Variants in PRAMEF1 observed in about 807,000 individuals in gnomAD.
PRAMEF1 encodes the protein PRAME family member 1.
A neutral mutation model predicts 38.2 loss-of-function variants in PRAMEF1; 21 were observed. That is an observed-to-expected ratio of 0.55 (90% CI 0.39 to 0.79). The LOEUF (loss-of-function observed/expected upper bound fraction) is 0.79, where lower values mean the gene tolerates loss of function less well. Among genes scored for constraint, PRAMEF1 ranks in the 30% least tolerant of loss-of-function variants. The probability of loss-of-function intolerance (pLI) is 0.00; values close to 1 mark genes in which losing one functional copy is unlikely to be tolerated. For missense variants in PRAMEF1, 497 were observed against 565.8 expected (o/e 0.88, Z 1.23); for synonymous variants, 200 against 229.0 (o/e 0.87, Z 1.14).
Position 12,796,332 on chromosome 1 carries a change from T to C in PRAMEF1, c.*336T>C, listed in dbSNP as rs564666932. ...AAAAACATAACAGCAGGGGGCAAGGTTGGAGGAAAATGTTGAGGTGACATC... is the reference window on the plus strand; with the variant it reads ...AAAAACATAACAGCAGGGGGCAAGGCTGGAGGAAAATGTTGAGGTGACATC... On this transcript the variant is annotated 3_prime_UTR_variant, in exon 4 of 4. Coordinates refer to ENST00000332296, the MANE Select transcript of PRAMEF1 (RefSeq NM_023013.4). The C allele has an allele frequency of 7.6e-4, 272 of 357,340 alleles. 4 individuals carry two copies. The highest frequency in any genetic ancestry group is 5.3e-3 in the African/African-American group (251 of 47,544). 22.1% of individuals were successfully genotyped at this position (357,340 alleles called of 1,614,324 possible). A position where few individuals can be genotyped will look rare whatever the true frequency, so the allele number is the denominator to read the frequency against.
intron 3 of PRAMEF1, 34 bp from the exon 4 acceptor site, chr1:12,795,404 T>A: frequency 6.3e-7 from 1 of 1,591,816 alleles, no homozygotes; most frequent in Non-Finnish European, 8.6e-7. Context: ...CTAACTGGTA[T>A]CACTGCCCAG....
rs1639322873 is a variant in PRAMEF1, at chr1:12,793,095, T to G, written c.-25-108T>G. The G allele has an allele frequency of 2.8e-6, 4 of 1,428,868 alleles. No individual in the cohort carries two copies. In the Admixed American group the frequency reaches 8.1e-5, roughly 29 times the overall value. 88.5% of individuals were successfully genotyped at this position (1,428,868 alleles called of 1,614,324 possible). A position where few individuals can be genotyped will look rare whatever the true frequency, so the allele number is the denominator to read the frequency against. On this transcript the variant is annotated intron_variant, in intron 1 of 3. Transcript: ENST00000332296. ...AAAATTAATAAGTCAGTGGTCTCCA[T>G]GACCCCTCCCTCCTTGGTGTTTGGA...
At position 12,795,639 on chromosome 1, in the gene PRAMEF1, G is replaced by C. The variant is rs571374810; in HGVS notation, c.1068G>C (p.Leu356Phe). The C allele has an allele frequency of 1.2e-6, 2 of 1,611,442 alleles. No individual in the cohort carries two copies. The highest frequency in any genetic ancestry group is 1.7e-6 in the Non-Finnish European group (2 of 1,179,640). Residue 356 changes from leucine to phenylalanine, a missense_variant, in exon 4 of 4, where the codon TTG becomes TTC. Leu to Phe is a conservative substitution (Grantham distance 22). Transcript: ENST00000332296. ...CTGCCTCTCTCAAAACCCTCATCTT[G>C]GAGGGCTGTCAGATCCACTACTCCC... ...KIAASLKTLILEGCQIHYSQL... is the reference protein window; with the variant it reads ...KIAASLKTLIFEGCQIHYSQL...
chr1:12,793,073 A>T (rs1454885486), intron 1 of PRAMEF1, 130 bp from the exon 2 acceptor site: 1 of 1,274,184 alleles, frequency 7.8e-7, no homozygotes, highest in African/African-American at 1.5e-5. Context: ...ATGGAAGAAA[A>T]TTAATAAGTC....
chr1:12,792,832 G>C (rs1165719922), intron 1 of PRAMEF1, among the ~76,000 whole-genome samples: 2 of 151,004 alleles, frequency 1.3e-5, no homozygotes, highest in Non-Finnish European at 3.0e-5. Context: ...ATTTCTGGTA[G>C]AAAATTTTCA....
At chr1:12,793,819 G>A in intron 2 of PRAMEF1, 96 bp from the exon 3 acceptor site, 1 of 1,426,738 alleles carries the variant, frequency 7.0e-7, no homozygotes, top group Non-Finnish European at 9.6e-7. Context: ...AGGGAGCACT[G>A]AGGACAGGAG....
chr1:12,793,426 G>C lies in PRAMEF1; in HGVS notation c.199G>C (p.Gly67Arg). The change falls in exon 2 of 4, where the codon GGA becomes CGA. Residue 67 changes from glycine (G) to arginine (R), a missense_variant. By Grantham distance (125) the Gly-to-Arg change is moderately radical (BLOSUM62 -2). Around this residue, in one of 2 missense-constraint regions of PRAMEF1, gnomAD observed 470 missense variants for 501.9 expected, o/e 0.94. Transcript: ENST00000332296. ...QAWPFTCLPL[G>R]SLMKTLHLET... ...CTGGCCCTTCACCTGCCTCCCTCTG[G>C]GATCACTGATGAAGACGCTTCATTT... The C allele has an allele frequency of 6.2e-7, 1 of 1,609,964 alleles. No homozygotes were observed. The highest frequency in any genetic ancestry group is 8.5e-7 in the Non-Finnish European group (1 of 1,177,912).
At chr1:12,795,012 G>A (rs1639369068) in intron 3 of PRAMEF1, 2 of 1,256,278 alleles carry the variant, frequency 1.6e-6, no homozygotes, top group South Asian at 1.3e-5. Flanking sequence ...TGGAGGTGAG[G>A]GAGTAGGCGT....
rs577322212 is a variant in PRAMEF1 at position 12,794,407 on chromosome 1, C to T, written c.780C>T (p.Ser260=). Residue 260 remains serine, a synonymous_variant, in exon 3 of 4, where the codon AGC becomes AGT. Coordinates refer to ENST00000332296, the MANE Select transcript of PRAMEF1 (RefSeq NM_023013.4). Reference sequence around the variant, plus strand: ...AAGGACGGTTAGTTGCCAAATTCAGCTCTGTGTTCCTCAGGCTGGAACACC... The same window carrying T: ...AAGGACGGTTAGTTGCCAAATTCAGTTCTGTGTTCCTCAGGCTGGAACACC... The part of the protein sequence containing the change: ...ELEGRLVAKF[S]SVFLRLEHLQ... 1.1e-5 allele frequency: 17 copies of T among 1,610,736 alleles called. No individual in the cohort carries two copies. In the African/African-American group the frequency reaches 2.1e-4, roughly 20 times the overall value.
chr1:12,791,504 C>T (rs1639293301), intron 1 of PRAMEF1, 30 bp downstream of exon 1: 1 of 147,666 alleles, frequency 6.8e-6, no homozygotes, highest in African/African-American at 2.5e-5. Context: ...GGGTCATGCC[C>T]ATCTGATCAG....
Position 12,795,616 on chromosome 1 carries a change from G to A in PRAMEF1, c.1045G>A (p.Ala349Thr), listed in dbSNP as rs1313685715. The A allele has an allele frequency of 6.2e-7, 1 of 1,611,676 alleles. No homozygotes were observed. The highest frequency in any genetic ancestry group is 1.3e-5 in the African/African-American group (1 of 74,718). Residue 349 changes from alanine (A) to threonine (T), a missense_variant, in exon 4 of 4, where the codon GCC becomes ACC. By Grantham distance (58) the Ala-to-Thr change is moderately conservative. Around this residue, in one of 2 missense-constraint regions of PRAMEF1, gnomAD observed 470 missense variants for 501.9 expected, o/e 0.94. Coordinates refer to ENST00000332296, the MANE Select transcript of PRAMEF1 (RefSeq NM_023013.4). ...CGGAGCTCTGCTGGAGAAAATTGCT[G>A]CCTCTCTCAAAACCCTCATCTTGGA... ...PLGALLEKIAASLKTLILEGC... is the reference protein window; with the variant it reads ...PLGALLEKIATSLKTLILEGC...
At position 12,794,121 on chromosome 1, in the gene PRAMEF1, G is replaced by A; in HGVS notation, c.494G>A (p.Arg165Lys). Residue 165 changes from arginine (R) to lysine (K), a missense_variant, in exon 3 of 4, where the codon AGA becomes AAA. Arg to Lys is a conservative substitution (Grantham distance 26). Around this residue, in one of 2 missense-constraint regions of PRAMEF1, gnomAD observed 470 missense variants for 501.9 expected, o/e 0.94. Coordinates refer to ENST00000332296, the MANE Select transcript of PRAMEF1 (RefSeq NM_023013.4). ...GAAATACCCCAGGATGAATGCCTGA[G>A]ATACCTCTTCCAGTGGGTTTACCAA... The part of the protein sequence containing the change: ...LKEIPQDECL[R>K]YLFQWVYQRR... 6.2e-7 allele frequency: 1 copy of A among 1,610,196 alleles called. No homozygotes were observed. Among genetic ancestry groups the A allele is most frequent in the Non-Finnish European group, 8.5e-7 (1 of 1,178,758 alleles).
rs954518502 is a variant in PRAMEF1, at chr1:12,793,307, C to T, written c.80C>T (p.Ala27Val). 7 of 1,608,320 alleles carry T rather than the reference C, an allele frequency of 4.4e-6. 1 individual carries two copies. Among genetic ancestry groups the T allele is most frequent in the Middle Eastern group, 2.0e-4 (1 of 5,018 alleles). ...LLRDQALSISAMEELPRVLYL... is the reference protein window; with the variant it reads ...LLRDQALSISVMEELPRVLYL... ...AGAGACCAGGCCTTGTCCATCTCTG[C>T]CATGGAGGAGCTGCCCAGGGTGCTC... The change falls in exon 2 of 4, where the codon GCC becomes GTC. Residue 27 changes from alanine (A) to valine (V), a missense_variant. Ala to Val is a moderately conservative substitution (Grantham distance 64). Transcript: ENST00000332296.
In PRAMEF1 at chr1:12,794,997, C is replaced by A. The variant is rs372909300; in HGVS notation, c.867-441C>A. 2.3e-6 allele frequency: 3 copies of A among 1,315,392 alleles called. No homozygotes were observed. In the African/African-American group the frequency reaches 4.5e-5, roughly 20 times the overall value. 81.5% of individuals were successfully genotyped at this position (1,315,392 alleles called of 1,614,324 possible). A position where few individuals can be genotyped will look rare whatever the true frequency, so the allele number is the denominator to read the frequency against. ...AATTGACATGGGAAATGCGTGCTTC[C>A]GGGATGGAGGTGAGGGAGTAGGCGT... is the stretch of plus-strand genomic sequence containing the variant. On this transcript the variant is annotated intron_variant, in intron 3 of 3. Coordinates refer to ENST00000332296, the MANE Select transcript of PRAMEF1 (RefSeq NM_023013.4).
rs772092378 is a variant in PRAMEF1, at chr1:12,793,898, C to T, written c.288-17C>T. On this transcript the variant is annotated splice_polypyrimidine_tract_variant and intron_variant, in intron 2 of 3. Coordinates refer to ENST00000332296, the MANE Select transcript of PRAMEF1 (RefSeq NM_023013.4). ...AGTCCTTCTAAATTCTGAGTCTCTC[C>T]CTTACTTTACCCACAGGAGGTGGAA... The T allele has an allele frequency of 1.9e-6, 3 of 1,607,686 alleles. No individual in the cohort carries two copies. The Admixed American group carries it at 5.0e-5, about 27-fold the overall frequency.
chr1:12,795,299 T>G (rs1639375741), intron 3 of PRAMEF1, 139 bp from the exon 4 acceptor site: 1 of 767,482 alleles, frequency 1.3e-6, no homozygotes. Flanking sequence ...GTCCTCATCA[T>G]GCAGCAACTT....
At position 12,794,439 on chromosome 1, in the gene PRAMEF1, T is replaced by G. The variant is rs1463701369; in HGVS notation, c.812T>G (p.Leu271Trp). 2 of 1,610,294 alleles carry G rather than the reference T, an allele frequency of 1.2e-6. No homozygotes were observed. The highest frequency in any genetic ancestry group is 2.2e-5 in the East Asian group (1 of 44,462). Residue 271 changes from leucine (L) to tryptophan (W), a missense_variant, in exon 3 of 4, where the codon TTG becomes TGG. By Grantham distance (61) the Leu-to-Trp change is moderately conservative. This residue lies in a region of PRAMEF1 where 470 missense variants were observed against 501.9 expected (regional missense o/e 0.94). Transcript: ENST00000332296. ...SVFLRLEHLQ[L>W]LKIKLITFFS... ...TTCCTCAGGCTGGAACACCTTCAGT[T>G]GCTTAAAATAAAATTGATCACCTTC...
Position 12,794,131 on chromosome 1 carries a change from C to G in PRAMEF1, c.504C>G (p.Phe168Leu). ...IPQDECLRYL[F>L]QWVYQRRGLV... ...AGGATGAATGCCTGAGATACCTCTT[C>G]CAGTGGGTTTACCAAAGGAGAGGTT... Residue 168 changes from phenylalanine (F) to leucine (L), a missense_variant, in exon 3 of 4, where the codon TTC becomes TTG. Coordinates refer to ENST00000332296, the MANE Select transcript of PRAMEF1 (RefSeq NM_023013.4). 6.2e-7 allele frequency: 1 copy of G among 1,610,544 alleles called. No homozygotes were observed. Among genetic ancestry groups the G allele is most frequent in the South Asian group, 1.1e-5 (1 of 90,780 alleles).
At position 12,793,354 on chromosome 1, in the gene PRAMEF1, G is replaced by T; in HGVS notation, c.127G>T (p.Ala43Ser). 2 of 1,609,816 alleles carry T rather than the reference G, an allele frequency of 1.2e-6. No individual in the cohort carries two copies. Among genetic ancestry groups the T allele is most frequent in the Non-Finnish European group, 1.7e-6 (2 of 1,177,934 alleles). Reference protein sequence around the residue: ...RVLYLPLFMEAFSRRHFQTLT... With the variant: ...RVLYLPLFMESFSRRHFQTLT... ...GCTCTATCTCCCACTCTTCATGGAGGCCTTCAGCAGGAGACACTTCCAGAC... is the reference window on the plus strand; with the variant it reads ...GCTCTATCTCCCACTCTTCATGGAGTCCTTCAGCAGGAGACACTTCCAGAC... The change falls in exon 2 of 4, where the codon GCC becomes TCC. Residue 43 changes from alanine to serine, a missense_variant. By Grantham distance (99) the Ala-to-Ser change is moderately conservative. Around this residue, in one of 2 missense-constraint regions of PRAMEF1, gnomAD observed 470 missense variants for 501.9 expected, o/e 0.94. Coordinates refer to ENST00000332296, the MANE Select transcript of PRAMEF1 (RefSeq NM_023013.4).
Sources: gnomAD v4.1 joint callset for allele counts (sites outside exome capture counted in the v4.1 genomes callset) on GRCh38, gnomAD v4.1.1 for gene constraint, gnomAD v4.1.1 regional missense constraint, MANE v1.5 for transcripts, NCBI Gene and HGNC (gene_info 2026-07-23, HGNC 2026-07-21) for gene names.